Variants in NUDT3 observed in about 807,000 individuals in gnomAD.
NUDT3 encodes diphosphoinositol polyphosphate phosphohydrolase 1.
Under a neutral mutation model 23.6 loss-of-function variants are expected in NUDT3, and 9 were observed. The observed-to-expected ratio is 0.38, with a 90% CI of 0.23 to 0.66. The LOEUF is 0.66. NUDT3 is among the 30% of genes least tolerant of loss of function. NUDT3 has a pLI of 0.52. For missense variants in NUDT3, 172 were observed against 218.5 expected, an observed-to-expected ratio of 0.79 and a Z score of 1.34; for synonymous variants, 86 against 82.6, an observed-to-expected ratio of 1.04 and a Z score of -0.22.
At chr6:34,345,597 A>G (rs1314205233) in intron 1 of NUDT3, among the ~76,000 whole-genome samples, 1 of 141,968 alleles carries the variant, frequency 7.0e-6, no homozygotes, top group Non-Finnish European at 1.5e-5. Flanking sequence ...CGGGAGGTGG[A>G]GCTGGCAGTG....
At chr6:34,386,599 A>C (rs778978448) in intron 1 of NUDT3, among the ~76,000 whole-genome samples, 11 of 152,270 alleles carry the variant, frequency 7.2e-5, no homozygotes, top group Non-Finnish European at 1.3e-4. Context: ...AAAAACCTAG[A>C]ATGATAGGTT....
chr6:34,364,423 A>AT (rs1764695298), intron 1 of NUDT3, among the ~76,000 whole-genome samples: 1 of 152,050 alleles, frequency 6.6e-6, no homozygotes, highest in African/African-American at 2.4e-5. Flanking sequence ...CTTCTGTAGA[A>AT]TTTTTTTTAA....
At chr6:34,357,507 G>C (rs927371229) in intron 1 of NUDT3, among the ~76,000 whole-genome samples, 2 of 151,872 alleles carry the variant, frequency 1.3e-5, no homozygotes, top group South Asian at 2.1e-4. Context: ...AGCAATACTA[G>C]GGAGGCTGAG....
intron 1 of NUDT3, among the ~76,000 whole-genome samples, chr6:34,367,042 A>G (rs1764746140): frequency 6.6e-6 from 1 of 152,034 alleles, no homozygotes; most frequent in South Asian, 2.1e-4. Flanking sequence ...ACAGGTGAGC[A>G]CATACCTGGC....
intron 1 of NUDT3, among the ~76,000 whole-genome samples, chr6:34,384,892 G>C (rs1006875527): frequency 2.0e-5 from 3 of 151,968 alleles, no homozygotes; most frequent in Non-Finnish European, 4.4e-5. Context: ...AGCTGGGCAA[G>C]GTGGCAGGCA....
intron 1 of NUDT3, among the ~76,000 whole-genome samples, chr6:34,387,673 T>TAAACAA (rs1765128673): frequency 1.0e-5 from 1 of 98,780 alleles, no homozygotes; most frequent in South Asian, 3.1e-4. Flanking sequence ...CATCTCTTTT[T>TAAACAA]AAAAAAAAAA....
chr6:34,288,766 G>C lies in NUDT3; in HGVS notation c.506C>G (p.Ser169Ter). The C allele has an allele frequency of 5.6e-6, 9 of 1,609,708 alleles. No individual in the cohort carries two copies. The highest frequency in any genetic ancestry group is 7.6e-6 in the Non-Finnish European group (9 of 1,178,770). Residue 169 changes from serine (S) to a stop codon, truncating the protein, a stop_gained, in exon 5 of 5, where the codon TCA becomes TGA. Coordinates refer to ENST00000607016, the MANE Select transcript of NUDT3 (RefSeq NM_006703.4). LOFTEE classifies it high-confidence loss of function. ...TYSVSAQSSM[S>*]GIR ...GGAAGTCTTCAGTCATCTGATGCCTGACATCGAGCTCTGAGCAGAAACCGA... is the reference window on the plus strand; with the variant it reads ...GGAAGTCTTCAGTCATCTGATGCCTCACATCGAGCTCTGAGCAGAAACCGA...
chr6:34,377,791 C>T (rs1488975043), intron 1 of NUDT3, among the ~76,000 whole-genome samples: 1 of 149,116 alleles, frequency 6.7e-6, no homozygotes, highest in Non-Finnish European at 1.5e-5. Flanking sequence ...CAAGATCACA[C>T]CACTGCACTC....
At chr6:34,384,259 C>A (rs1765068902) in intron 1 of NUDT3, among the ~76,000 whole-genome samples, 1 of 152,150 alleles carries the variant, frequency 6.6e-6, no homozygotes, top group Non-Finnish European at 1.5e-5. Flanking sequence ...GAAGCAGCTC[C>A]CCTTTGCCAA....
rs1363220694 is a variant in NUDT3, at chr6:34,281,317, CA to C, written c.*7435del. 3 of 152,126 alleles carry C rather than the reference CA, an allele frequency of 2.0e-5. No homozygotes were observed. The highest frequency in any genetic ancestry group is 4.4e-5 in the Non-Finnish European group (3 of 68,032). 9.4% of individuals were successfully genotyped at this position (152,126 alleles called of 1,614,324 possible). A position where few individuals can be genotyped will look rare whatever the true frequency, so the allele number is the denominator to read the frequency against. ...GTCTTTGAAATGGAGGCTGGGCTGG[CA>C]AAAGTAAGTATGAAGATGCTACTAC... On this transcript the variant is annotated 3_prime_UTR_variant, in exon 5 of 5. Transcript: ENST00000607016.
intron 1 of NUDT3, among the ~76,000 whole-genome samples, chr6:34,364,021 A>G (rs1764689000): frequency 6.6e-6 from 1 of 152,174 alleles, no homozygotes; most frequent in South Asian, 2.1e-4. Context: ...AGACGCTAAC[A>G]AGGAAGCTAG....
intron 2 of NUDT3, among the ~76,000 whole-genome samples, chr6:34,327,171 T>C (rs1764050627): frequency 6.6e-6 from 1 of 152,026 alleles, no homozygotes; most frequent in Non-Finnish European, 1.5e-5. Context: ...GGCCCTTCCC[T>C]TATAGGTAGC....
intron 2 of NUDT3, among the ~76,000 whole-genome samples, chr6:34,337,444 A>G (rs1764226550): frequency 1.3e-5 from 2 of 152,174 alleles, no homozygotes; most frequent in Non-Finnish European, 2.9e-5. Context: ...GTGTAGTTTA[A>G]TTATCTGTGC....
chr6:34,334,094 C>T (rs1184831242), intron 2 of NUDT3, among the ~76,000 whole-genome samples: 1 of 152,236 alleles, frequency 6.6e-6, no homozygotes, highest in East Asian at 1.9e-4. Flanking sequence ...CCACCTGTCA[C>T]GAGTGATGCC....
At chr6:34,344,935 GC>G (rs1764341633) in intron 1 of NUDT3, among the ~76,000 whole-genome samples, 1 of 152,140 alleles carries the variant, frequency 6.6e-6, no homozygotes, top group Admixed American at 6.5e-5. Context: ...ACAGGCGTGA[GC>G]CACTGCGCCA....
At chr6:34,298,113 G>T (rs1163498858) in intron 2 of NUDT3, among the ~76,000 whole-genome samples, 1 of 151,930 alleles carries the variant, frequency 6.6e-6, no homozygotes. Flanking sequence ...TGTAATCCCA[G>T]CACTTTGGGA....
At chr6:34,384,637 T>A (rs1765075376) in intron 1 of NUDT3, among the ~76,000 whole-genome samples, 1 of 152,296 alleles carries the variant, frequency 6.6e-6, no homozygotes, top group African/African-American at 2.4e-5. Context: ...CAGATGAATA[T>A]CATATTACCC....
At chr6:34,340,477 A>G (rs1454398874) in intron 2 of NUDT3, among the ~76,000 whole-genome samples, 1 of 152,160 alleles carries the variant, frequency 6.6e-6, no homozygotes, top group Non-Finnish European at 1.5e-5. Context: ...GTTTAAAGTT[A>G]TTTTCTCATA....
intron 2 of NUDT3, among the ~76,000 whole-genome samples, chr6:34,305,259 G>C (rs1380967087): frequency 1.3e-5 from 2 of 152,120 alleles, no homozygotes; most frequent in African/African-American, 4.8e-5. Flanking sequence ...TGGGATTATA[G>C]GCGTGTGAGC....
Sources: allele counts gnomAD v4.1 joint callset (sites outside exome capture counted in the v4.1 genomes callset), GRCh38; gene constraint gnomAD v4.1.1; transcripts MANE v1.5; gene names NCBI Gene and HGNC (gene_info 2026-07-23, HGNC 2026-07-21).